The following UBOX5 variants were observed in gnomAD, a reference collection of about 807,000 sequenced individuals.
UBOX5 encodes the protein RING finger protein 37.
Under a neutral mutation model 39.0 loss-of-function variants are expected in UBOX5, and 28 were observed. The ratio of observed to expected loss-of-function variants is 0.72; its 90% CI spans 0.53 to 0.98. UBOX5 has a LOEUF of 0.98. UBOX5 is among the 50% of genes least tolerant of loss of function. The pLI is 0.00. For synonymous variants in UBOX5, 283 were observed against 275.5 expected, an observed-to-expected ratio of 1.03 and a Z score of -0.27; for missense variants, 585 against 674.4, an observed-to-expected ratio of 0.87 and a Z score of 1.47.
intron 1 of UBOX5, among the ~76,000 whole-genome samples, chr20:3,140,232 G>C (rs7362930): frequency 6.6e-6 from 1 of 151,878 alleles, no homozygotes; most frequent in South Asian, 2.1e-4. Context: ...ATGTTGGCTA[G>C]GCTGGTCTCG....
chr20:3,109,322 C>G lies in UBOX5; in HGVS notation c.*784G>C, dbSNP rs1412735969. 1 of 152,198 alleles carries G rather than the reference C, an allele frequency of 6.6e-6. No individual in the cohort carries two copies. The highest frequency in any genetic ancestry group is 1.5e-5 in the Non-Finnish European group (1 of 68,046). The allele number at this position is 152,198 out of a possible 1,614,324, so 9.4% of individuals were successfully genotyped here. A position where few individuals can be genotyped will look rare whatever the true frequency, so the allele number is the denominator to read the frequency against. On this transcript the variant is annotated 3_prime_UTR_variant, in exon 5 of 5. Transcript: ENST00000217173. ...CTGCATGAGGAAACGCTGCGCTCCC[C>G]CTCAGGGAGCAGTTTCTGAAGCCAG... is the stretch of plus-strand genomic sequence containing the variant.
intron 3 of UBOX5, among the ~76,000 whole-genome samples, 179 bp downstream of exon 3, chr20:3,121,205 G>C (rs1208625830): frequency 6.6e-6 from 1 of 152,166 alleles, no homozygotes; most frequent in Non-Finnish European, 1.5e-5. Context: ...CAAGGCTCCA[G>C]GTTGTCCCTG....
intron 1 of UBOX5, among the ~76,000 whole-genome samples, chr20:3,134,084 T>TCA (rs1221127240): frequency 6.6e-6 from 1 of 151,786 alleles, no homozygotes; most frequent in Non-Finnish European, 1.5e-5. Context: ...ATGTTGTCTG[T>TCA]CATTCAAATC....
chr20:3,126,258 T>C (rs2066387294), intron 1 of UBOX5, among the ~76,000 whole-genome samples: 1 of 152,084 alleles, frequency 6.6e-6, no homozygotes, highest in Non-Finnish European at 1.5e-5. Context: ...CAGGGTTAAA[T>C]GGATTAAGGG....
intron 1 of UBOX5, among the ~76,000 whole-genome samples, chr20:3,137,347 T>C (rs534252957): frequency 1.3e-5 from 2 of 152,194 alleles, no homozygotes; most frequent in African/African-American, 2.4e-5. Context: ...ACATACTCTT[T>C]CAGGCTCACT....
In UBOX5 at chr20:3,109,110, A is replaced by C. The variant is rs769943145; in HGVS notation, c.*996T>G. The C allele has an allele frequency of 1.3e-5, 2 of 151,998 alleles. No individual in the cohort carries two copies. The highest frequency in any genetic ancestry group is 2.9e-5 in the Non-Finnish European group (2 of 68,000). The allele number at this position is 151,998 out of a possible 1,614,324, so 9.4% of individuals were successfully genotyped here. On this transcript the variant is annotated 3_prime_UTR_variant, in exon 5 of 5. Coordinates refer to ENST00000217173, the MANE Select transcript of UBOX5 (RefSeq NM_014948.4). The stretch of plus-strand genomic sequence containing the variant: ...AGCATCTTTAGGCTGTTCCTTCCCA[A>C]ACGTGCTTAGAAGGGAACAGGGAAA...
chr20:3,114,775 C>T (rs1466201991), intron 4 of UBOX5, among the ~76,000 whole-genome samples: 6 of 152,100 alleles, frequency 3.9e-5, no homozygotes, highest in Admixed American at 1.3e-4. Flanking sequence ...GGTGAAACCC[C>T]GTCTCTACTA....
At chr20:3,136,712 G>C (rs6115801) in intron 1 of UBOX5, among the ~76,000 whole-genome samples, 1 of 151,510 alleles carries the variant, frequency 6.6e-6, no homozygotes, top group African/African-American at 2.4e-5. Context: ...CTGGAGTGCA[G>C]TGGCATGATC....
chr20:3,139,755 G>A (rs1394917646), intron 1 of UBOX5, among the ~76,000 whole-genome samples: 4 of 151,146 alleles, frequency 2.6e-5, no homozygotes, highest in Non-Finnish European at 5.9e-5. Flanking sequence ...TGTCACCTCG[G>A]CTGGAGAGCA....
intron 1 of UBOX5, chr20:3,151,828 G>A (rs1293082031): frequency 2.0e-5 from 3 of 152,048 alleles, no homozygotes; most frequent in East Asian, 1.9e-4. Flanking sequence ...AGGATGGCCA[G>A]GCGTGGTGGC....
chr20:3,123,039 A>T (rs2066350688), intron 2 of UBOX5, among the ~76,000 whole-genome samples: 1 of 152,160 alleles, frequency 6.6e-6, no homozygotes, highest in Admixed American at 6.6e-5. Context: ...CTTTGCTATG[A>T]CTTTGACGAG....
intron 4 of UBOX5, among the ~76,000 whole-genome samples, chr20:3,114,693 TA>T (rs1360239609): frequency 2.0e-5 from 3 of 152,164 alleles, no homozygotes; most frequent in Non-Finnish European, 4.4e-5. Context: ...CTCACTCCTG[TA>T]ATCTCAGCGC....
At chr20:3,120,840 C>T (rs375733131) in intron 3 of UBOX5, among the ~76,000 whole-genome samples, 1 of 152,126 alleles carries the variant, frequency 6.6e-6, no homozygotes, top group East Asian at 1.9e-4. Context: ...AGTCCTTTTT[C>T]CTTTTCTGTG....
At chr20:3,126,511 TAAAAAAAAAAAAAGAAAAGAAAA>T (rs2066389688) in intron 1 of UBOX5, among the ~76,000 whole-genome samples, 1 of 49,774 alleles carries the variant, frequency 2.0e-5, no homozygotes, top group Non-Finnish European at 5.2e-5. Context: ...CAATAAATAC[TAAAAAAAAAAAAAGAAAAGAAAA>T]AGAAAAAAAA....
Position 3,109,979 on chromosome 20 carries a change from G to C in UBOX5, c.*127C>G, listed in dbSNP as rs1600352230. ...TGCTATACCGTGAGGTGATGAAGAA[G>C]AGCCCCGGGAGGGAGCAGGCAGCTC... On this transcript the variant is annotated 3_prime_UTR_variant, in exon 5 of 5. Transcript: ENST00000217173. 2 of 1,093,492 alleles carry C rather than the reference G, an allele frequency of 1.8e-6. No homozygotes were observed. Among genetic ancestry groups the C allele is most frequent in the Non-Finnish European group, 2.7e-6 (2 of 753,074 alleles). 67.7% of individuals were successfully genotyped at this position (1,093,492 alleles called of 1,614,324 possible). A position where few individuals can be genotyped will look rare whatever the true frequency, so the allele number is the denominator to read the frequency against.
At chr20:3,113,723 A>C (rs2148586833) in intron 4 of UBOX5, among the ~76,000 whole-genome samples, 1 of 152,300 alleles carries the variant, frequency 6.6e-6, no homozygotes, top group East Asian at 1.9e-4. Flanking sequence ...CTGTGTTAGA[A>C]GCCTCACCAC....
intron 1 of UBOX5, among the ~76,000 whole-genome samples, chr20:3,156,024 G>C (rs2122131261): frequency 6.6e-6 from 1 of 152,314 alleles, no homozygotes; most frequent in South Asian, 2.1e-4. Flanking sequence ...AGGGAGAAAA[G>C]ACACTGCAAA....
intron 1 of UBOX5, chr20:3,147,091 C>CT: frequency 6.2e-7 from 1 of 1,614,122 alleles, no homozygotes; most frequent in Non-Finnish European, 8.5e-7. Context: ...GTACAGCTGC[C>CT]TTATTCTCCA....
At chr20:3,121,297 C>G in intron 3 of UBOX5, 87 bp downstream of exon 3, 1 of 1,518,672 alleles carries the variant, frequency 6.6e-7, no homozygotes, top group Non-Finnish European at 8.8e-7. Context: ...TGTAAGCTGG[C>G]CAAGCACAAA....
Sources: allele counts gnomAD v4.1 joint callset (sites outside exome capture counted in the v4.1 genomes callset), GRCh38; gene constraint gnomAD v4.1.1; transcripts MANE v1.5; gene names NCBI Gene and HGNC (gene_info 2026-07-23, HGNC 2026-07-21).